Variants in POLR3H observed in about 807,000 individuals in gnomAD.
POLR3H encodes the protein RNA polymerase III subunit H, also known as DNA-directed RNA polymerase III subunit RPC8.
In POLR3H, 17 loss-of-function variants were observed where a neutral mutation model predicts 25.5. The observed-to-expected ratio is 0.67, with a 90% confidence interval of 0.46 to 1.00. POLR3H has a LOEUF of 1.00. POLR3H is among the 50% of genes least tolerant of loss of function. The probability of loss-of-function intolerance (pLI) is 0.00; values close to 1 mark genes in which losing one functional copy is unlikely to be tolerated. For synonymous variants in POLR3H, 129 were observed against 103.0 expected, an observed-to-expected ratio of 1.25 and a Z score of -1.53; for missense variants, 274 against 265.0, an observed-to-expected ratio of 1.03 and a Z score of -0.24.
At chr22:41,532,510 A>C (rs2066756651) in intron 3 of POLR3H, 149 bp downstream of exon 3, 1 of 1,428,318 alleles carries the variant, frequency 7.0e-7, no homozygotes, top group South Asian at 1.3e-5. Context: ...CACACAACAC[A>C]TAAAAGGGAG....
At position 41,528,268 on chromosome 22, in the gene POLR3H, CCCA is replaced by C; in HGVS notation, c.*1012_*1014del. 1.2e-6 allele frequency: 1 copy of C among 846,054 alleles called. No homozygotes were observed. The highest frequency in any genetic ancestry group is 1.8e-5 in the South Asian group (1 of 55,870). 52.4% of individuals were successfully genotyped at this position (846,054 alleles called of 1,614,324 possible). A position where few individuals can be genotyped will look rare whatever the true frequency, so the allele number is the denominator to read the frequency against. On this transcript the variant is annotated 3_prime_UTR_variant, in exon 6 of 6. Transcript: ENST00000355209. ...CCAGGACCTGGCACTCAGGGGACAG[CCCA>C]CCCACTGCAGGACCCTCTGGGCCCC...
At chr22:41,532,291 C>T (rs2066751564) in intron 3 of POLR3H, 134 bp from the exon 4 acceptor site, 5 of 872,026 alleles carry the variant, frequency 5.7e-6, no homozygotes, top group South Asian at 3.0e-5. Context: ...GAAACCTAGG[C>T]CCCTTCCCCA....
Position 41,532,739 on chromosome 22 carries a change from A to G in POLR3H, c.215T>C (p.Phe72Ser). 1 of 1,613,874 alleles carries G rather than the reference A, an allele frequency of 6.2e-7. No homozygotes were observed. Among genetic ancestry groups the G allele is most frequent in the Non-Finnish European group, 8.5e-7 (1 of 1,179,828 alleles). ...GDGASHTKVH[F>S]RCVVFHPFLD... is the part of the protein sequence containing the mutation. ...GAATGGATGAAACACCACGCAGCGA[A>G]AATGGACTGGAAATGAAGACAGCCC... Residue 72 changes from phenylalanine (F) to serine (S), a missense_variant, in exon 3 of 6, where the codon TTT (phenylalanine) becomes TCT (serine). Transcript: ENST00000355209.
rs979162311 is a variant in POLR3H, at chr22:41,540,887, C to G, written c.112-92G>C. The stretch of plus-strand genomic sequence containing the variant: ...AGGCAATCTGAGCCCCTCACAACCA[C>G]AAGCAAGCCATGATTATCTCCTTTT... On this transcript the variant is annotated intron_variant, in intron 1 of 5. Transcript: ENST00000355209. 4 of 901,602 alleles carry G rather than the reference C, an allele frequency of 4.4e-6. No individual in the cohort carries two copies. In the Admixed American group the frequency reaches 6.0e-5, roughly 13 times the overall value. 55.9% of individuals were successfully genotyped at this position (901,602 alleles called of 1,614,324 possible). A position where few individuals can be genotyped will look rare whatever the true frequency, so the allele number is the denominator to read the frequency against.
At chr22:41,543,356 G>C (rs543908410) in intron 1 of POLR3H, among the ~76,000 whole-genome samples, 3 of 152,268 alleles carry the variant, frequency 2.0e-5, no homozygotes, top group African/African-American at 4.8e-5. Context: ...GACCCGAGGC[G>C]ATGGCGCACA....
chr22:41,534,307 G>A (rs1203086058), intron 2 of POLR3H, among the ~76,000 whole-genome samples: 3 of 152,174 alleles, frequency 2.0e-5, no homozygotes, highest in African/African-American at 4.8e-5. Context: ...ATGGATGGAT[G>A]AGTAAACAAA....
chr22:41,537,955 G>C (rs1442631152), intron 2 of POLR3H, among the ~76,000 whole-genome samples: 1 of 149,596 alleles, frequency 6.7e-6, no homozygotes, highest in Non-Finnish European at 1.5e-5. Context: ...TACACCACCA[G>C]ACCTGGCTAA....
intron 2 of POLR3H, among the ~76,000 whole-genome samples, chr22:41,535,597 C>T (rs1003839141): frequency 2.6e-5 from 4 of 152,300 alleles, no homozygotes; most frequent in Admixed American, 6.5e-5. Flanking sequence ...GAGGCCGAGG[C>T]GGGCGGATCA....
At chr22:41,535,894 C>T (rs997926100) in intron 2 of POLR3H, among the ~76,000 whole-genome samples, 3 of 151,830 alleles carry the variant, frequency 2.0e-5, no homozygotes, top group Non-Finnish European at 4.4e-5. Flanking sequence ...TGCTTGAACC[C>T]GGGAGGCAGA....
At chr22:41,532,578 C>T in intron 3 of POLR3H, 81 bp downstream of exon 3, 1 of 1,610,174 alleles carries the variant, frequency 6.2e-7, no homozygotes. Flanking sequence ...CTGAGCCCTC[C>T]CCTGACCATG....
At position 41,526,138 on chromosome 22, in the gene POLR3H, C is replaced by A; in HGVS notation, c.*3145G>T. On this transcript the variant is annotated 3_prime_UTR_variant, in exon 6 of 6. Transcript: ENST00000355209. ...CACAGAACACGTGTCTGAAGACTTG[C>A]CTGCCTCTCACCCCTCTGTCACCCC... The A allele has an allele frequency of 1.3e-6, 1 of 788,734 alleles. No individual in the cohort carries two copies. Among genetic ancestry groups the A allele is most frequent in the Non-Finnish European group, 2.0e-6 (1 of 491,506 alleles). 48.9% of individuals were successfully genotyped at this position (788,734 alleles called of 1,614,324 possible). A position where few individuals can be genotyped will look rare whatever the true frequency, so the allele number is the denominator to read the frequency against.
Position 41,528,858 on chromosome 22 carries a change from T to C in POLR3H, c.*425A>G, listed in dbSNP as rs2066662002. The C allele has an allele frequency of 7.3e-6, 4 of 545,472 alleles. No individual in the cohort carries two copies. The highest frequency in any genetic ancestry group is 3.6e-5 in the Admixed American group (1 of 27,816). 33.8% of individuals were successfully genotyped at this position (545,472 alleles called of 1,614,324 possible). ...TTAAGCAGCTCCATGCAACTGTATT[T>C]ATTTTTGATGACAAGACTCCCATCT... On this transcript the variant is annotated 3_prime_UTR_variant, in exon 6 of 6. Transcript: ENST00000355209.
chr22:41,528,806 C>A lies in POLR3H; in HGVS notation c.*477G>T. ...CTTAAAATAACTTTTTAGCCCCCGT[C>A]TTCCTATTTTGAGTTTGGTTCAGAT... On this transcript the variant is annotated 3_prime_UTR_variant, in exon 6 of 6. Transcript: ENST00000355209. The A allele has an allele frequency of 2.7e-6, 2 of 734,976 alleles. No homozygotes were observed. Among genetic ancestry groups the A allele is most frequent in the Non-Finnish European group, 4.3e-6 (2 of 469,238 alleles). The allele number at this position is 734,976 out of a possible 1,614,324, so 45.5% of individuals were successfully genotyped here.
At chr22:41,529,949 G>C (rs1175969860) in intron 5 of POLR3H, among the ~76,000 whole-genome samples, 1 of 151,668 alleles carries the variant, frequency 6.6e-6, no homozygotes, top group Non-Finnish European at 1.5e-5. Flanking sequence ...TAGAGATGGG[G>C]TTTCACCGTG....
chr22:41,532,705 C>T lies in POLR3H; in HGVS notation c.249G>A (p.Glu83=), dbSNP rs749222450. The change falls in exon 3 of 6, where the codon GAG becomes GAA. Residue 83 remains glutamate (E), a synonymous_variant. Coordinates refer to ENST00000355209, the MANE Select transcript of POLR3H (RefSeq NM_001018050.4). ...RCVVFHPFLD[E]ILIGKIKGCS... ...AGCCTTTGATCTTCCCAATGAGAAT[C>T]TCATCTAGGAATGGATGAAACACCA... 1 of 1,614,110 alleles carries T rather than the reference C, an allele frequency of 6.2e-7. No individual in the cohort carries two copies. The highest frequency in any genetic ancestry group is 8.5e-7 in the Non-Finnish European group (1 of 1,179,990).
Position 41,526,598 on chromosome 22 carries a change from C to A in POLR3H, c.*2685G>T. The A allele has an allele frequency of 1.2e-6, 1 of 844,944 alleles. No homozygotes were observed. The highest frequency in any genetic ancestry group is 1.7e-6 in the Non-Finnish European group (1 of 575,406). The allele number at this position is 844,944 out of a possible 1,614,324, so 52.3% of individuals were successfully genotyped here. A position where few individuals can be genotyped will look rare whatever the true frequency, so the allele number is the denominator to read the frequency against. The stretch of plus-strand genomic sequence containing the variant: ...GACTGCTGTGGAAGGGAGGAGAGGC[C>A]TGCAGCCCCTCCCTGTGGCTGAGAA... On this transcript the variant is annotated 3_prime_UTR_variant, in exon 6 of 6. Coordinates refer to ENST00000355209, the MANE Select transcript of POLR3H (RefSeq NM_001018050.4).
At chr22:41,543,027 A>T (rs371320566) in intron 1 of POLR3H, among the ~76,000 whole-genome samples, 2 of 152,068 alleles carry the variant, frequency 1.3e-5, no homozygotes, top group Admixed American at 6.5e-5. Flanking sequence ...ACAAAACAGA[A>T]AATTATGGGA....
Position 41,526,920 on chromosome 22 carries a change from G to A in POLR3H, c.*2363C>T. 1 of 359,262 alleles carries A rather than the reference G, an allele frequency of 2.8e-6. No individual in the cohort carries two copies. The highest frequency in any genetic ancestry group is 5.1e-6 in the Non-Finnish European group (1 of 195,156). 22.3% of individuals were successfully genotyped at this position (359,262 alleles called of 1,614,324 possible). On this transcript the variant is annotated 3_prime_UTR_variant, in exon 6 of 6. Transcript: ENST00000355209. Reference sequence around the variant, plus strand: ...CCCCCTGGTGGCTGGGTGGGGCAGAGGGTGCTCCCAGGAAGGGGGCGCCTT... The same window carrying A: ...CCCCCTGGTGGCTGGGTGGGGCAGAAGGTGCTCCCAGGAAGGGGGCGCCTT...
In POLR3H at chr22:41,528,239, C is replaced by G; in HGVS notation, c.*1044G>C. On this transcript the variant is annotated 3_prime_UTR_variant, in exon 6 of 6. Coordinates refer to ENST00000355209, the MANE Select transcript of POLR3H (RefSeq NM_001018050.4). ...CTCACACCTCCCCAACCTCCCTTTACTCACCAGGACCTGGCACTCAGGGGA... is the reference window on the plus strand; with the variant it reads ...CTCACACCTCCCCAACCTCCCTTTAGTCACCAGGACCTGGCACTCAGGGGA... 1 of 837,426 alleles carries G rather than the reference C, an allele frequency of 1.2e-6. No individual in the cohort carries two copies. The highest frequency in any genetic ancestry group is 1.8e-5 in the South Asian group (1 of 55,854). 51.9% of individuals were successfully genotyped at this position (837,426 alleles called of 1,614,324 possible). A position where few individuals can be genotyped will look rare whatever the true frequency, so the allele number is the denominator to read the frequency against.
Sources: gnomAD v4.1 joint callset for allele counts (sites outside exome capture counted in the v4.1 genomes callset) on GRCh38, gnomAD v4.1.1 for gene constraint, MANE v1.5 for transcripts, NCBI Gene and HGNC (gene_info 2026-07-23, HGNC 2026-07-21) for gene names.